RDH11: variants seen among roughly 807,000 people sequenced by gnomAD.
RDH11 encodes retinol dehydrogenase 11, also known as HCV core-binding protein HCBP12.
A neutral mutation model predicts 33.4 loss-of-function variants in RDH11; 19 were observed. The ratio of observed to expected loss-of-function variants is 0.57; its 90% confidence interval spans 0.40 to 0.83. The LOEUF (loss-of-function observed/expected upper bound fraction) is 0.83, where lower values mean the gene tolerates loss of function less well. Ranked by LOEUF, RDH11 falls within the 40% of genes least tolerant of loss-of-function variation. RDH11 has a pLI of 0.00. For synonymous variants in RDH11, 154 were observed against 155.3 expected (o/e 0.99, Z 0.06); for missense variants, 353 against 389.0 (o/e 0.91, Z 0.78).
In RDH11 at chr14:67,690,382, T is replaced by C; in HGVS notation, c.494A>G (p.Lys165Arg). The change falls in exon 5 of 7, where the codon AAG (lysine) becomes AGG (arginine). Residue 165 changes from lysine to arginine, a missense_variant. Physicochemically the swap from Lys to Arg is conservative, Grantham distance 26. Coordinates refer to ENST00000381346, the MANE Select transcript of RDH11 (RefSeq NM_016026.4). Reference sequence around the variant, plus strand: ...TACTATCCTTGATGGGGCTGATTCCTTTAGTTTCTCTAGCAGCAGATGGGT... The same window carrying C: ...TACTATCCTTGATGGGGCTGATTCCCTTAGTTTCTCTAGCAGCAGATGGGT... ...LLTHLLLEKL[K>R]ESAPSRIVNV... 1.2e-6 allele frequency: 2 copies of C among 1,614,226 alleles called. No homozygotes were observed. Among genetic ancestry groups the C allele is most frequent in the Non-Finnish European group, 1.7e-6 (2 of 1,180,032 alleles).
At chr14:67,694,451 T>TAC (rs372188891) in intron 1 of RDH11, among the ~76,000 whole-genome samples, 312 of 143,828 alleles carry the variant, frequency 2.2e-3, no homozygotes, top group South Asian at 0.016. Context: ...TATATATATA[T>TAC]ACACACACAC....
rs2037772245 is a variant in RDH11 at position 67,693,033 on chromosome 14, C to A, written c.94G>T (p.Val32Leu). 1.2e-6 allele frequency: 2 copies of A among 1,612,808 alleles called. No homozygotes were observed. The highest frequency in any genetic ancestry group is 1.3e-5 in the African/African-American group (1 of 74,978). Residue 32 changes from valine to leucine, a missense_variant, in exon 2 of 7, where the codon GTG becomes TTG. Physicochemically the swap from Val to Leu is conservative, Grantham distance 32. Transcript: ENST00000381346. ...GGAAGCTGAACAGTTGATGTACACA[C>A]CCCACTGGACAGCATTTTCCTGCAG... ...PQIRKMLSSG[V>L]CTSTVQLPGK...
chr14:67,692,398 C>T, intron 3 of RDH11, 40 bp downstream of exon 3: 7 of 1,608,220 alleles, frequency 4.4e-6, no homozygotes, highest in Non-Finnish European at 5.9e-6. Flanking sequence ...CCATGTTGAC[C>T]TCAAGACCCA....
At chr14:67,694,134 T>C (rs1566831386) in intron 1 of RDH11, among the ~76,000 whole-genome samples, 1 of 152,094 alleles carries the variant, frequency 6.6e-6, no homozygotes, top group African/African-American at 2.4e-5. Context: ...TCATTGAACT[T>C]GGAATTGCAA....
At chr14:67,694,666 G>C (rs193150661) in intron 1 of RDH11, among the ~76,000 whole-genome samples, 1 of 152,172 alleles carries the variant, frequency 6.6e-6, no homozygotes. Flanking sequence ...GAGAAACCAT[G>C]TGTGCCTAGA....
chr14:67,683,366 T>C (rs1207989906), intron 6 of RDH11, among the ~76,000 whole-genome samples: 1 of 152,208 alleles, frequency 6.6e-6, no homozygotes, highest in Non-Finnish European at 1.5e-5. Flanking sequence ...TAAATCTATC[T>C]TCTTATACTT....
At chr14:67,694,399 T>C (rs1165816942) in intron 1 of RDH11, among the ~76,000 whole-genome samples, 1 of 150,968 alleles carries the variant, frequency 6.6e-6, no homozygotes, top group Non-Finnish European at 1.5e-5. Flanking sequence ...CCGACTCCCA[T>C]AACCCTGCTG....
intron 5 of RDH11, chr14:67,686,066 T>A (rs2037674743): frequency 6.6e-6 from 1 of 152,196 alleles, no homozygotes; most frequent in Admixed American, 6.5e-5. Flanking sequence ...TCCCTCTCCA[T>A]AATTCTATGG....
intron 6 of RDH11, among the ~76,000 whole-genome samples, chr14:67,682,179 A>G (rs2140058587): frequency 6.6e-6 from 1 of 152,334 alleles, no homozygotes; most frequent in East Asian, 1.9e-4. Context: ...TGTCTTTACT[A>G]AAGACAGTAG....
At chr14:67,683,901 C>T (rs1279951102) in intron 6 of RDH11, among the ~76,000 whole-genome samples, 2 of 152,236 alleles carry the variant, frequency 1.3e-5, no homozygotes, top group African/African-American at 4.8e-5. Context: ...CTAAGTTCCA[C>T]ACATTACTTT....
At chr14:67,685,718 C>T (rs967830590) in intron 5 of RDH11, among the ~76,000 whole-genome samples, 1 of 151,904 alleles carries the variant, frequency 6.6e-6, no homozygotes, top group Non-Finnish European at 1.5e-5. Context: ...CAGGTTCAAG[C>T]GATTCTCCTG....
chr14:67,690,907 T>C, intron 4 of RDH11: 1 of 527,130 alleles, frequency 1.9e-6, no homozygotes, highest in Non-Finnish European at 3.4e-6. Context: ...AATTAGTCTG[T>C]TAAAAAATGC....
chr14:67,690,912 A>G, intron 4 of RDH11: 1 of 536,488 alleles, frequency 1.9e-6, no homozygotes, highest in Non-Finnish European at 3.3e-6. Flanking sequence ...GTCTGTTAAA[A>G]AATGCGCCAA....
chr14:67,685,220 A>G lies in RDH11; in HGVS notation c.665-16T>C, dbSNP rs762131460. ...ACGCCAGAGCCTGGTTGGGGGTGGC[A>G]TGAAGAGAGGGTAAGACAGGACTTG... On this transcript the variant is annotated splice_polypyrimidine_tract_variant and intron_variant, in intron 5 of 6. Transcript: ENST00000381346. The G allele has an allele frequency of 1.2e-6, 2 of 1,605,818 alleles. No homozygotes were observed. Among genetic ancestry groups the G allele is most frequent in the East Asian group, 4.5e-5 (2 of 44,702 alleles).
intron 5 of RDH11, among the ~76,000 whole-genome samples, chr14:67,686,425 G>A (rs1418905966): frequency 6.6e-6 from 1 of 152,116 alleles, no homozygotes; most frequent in Non-Finnish European, 1.5e-5. Flanking sequence ...GACTGCCTGA[G>A]CTCAGGAGTT....
At chr14:67,684,839 T>G (rs1288099786) in intron 6 of RDH11, 176 bp downstream of exon 6, 4 of 480,866 alleles carry the variant, frequency 8.3e-6, no homozygotes, top group African/African-American at 2.0e-5. Context: ...TAAAATCAAA[T>G]GTAGCAGTTA....
chr14:67,678,334 A>G lies in RDH11; in HGVS notation c.944T>C (p.Leu315Pro). 1.2e-6 allele frequency: 2 copies of G among 1,611,780 alleles called. No homozygotes were observed. Among genetic ancestry groups the G allele is most frequent in the Non-Finnish European group, 1.7e-6 (2 of 1,177,882 alleles). ...LWDVSCDLLG[L>P]PID is the part of the protein sequence containing the mutation. ...TGGCACTGCCTGTTAGTCTATTGGG[A>G]GGCCCAGCAGGTCACAACTGACGTC... The change falls in exon 7 of 7, where the codon CTC (leucine) becomes CCC (proline). Residue 315 changes from leucine (L) to proline (P), a missense_variant. Coordinates refer to ENST00000381346, the MANE Select transcript of RDH11 (RefSeq NM_016026.4).
Position 67,690,281 on chromosome 14 carries a change from C to G in RDH11, c.595G>C (p.Gly199Arg), listed in dbSNP as rs760393655. The G allele has an allele frequency of 6.2e-7, 1 of 1,614,176 alleles. No individual in the cohort carries two copies. The highest frequency in any genetic ancestry group is 1.1e-5 in the South Asian group (1 of 91,076). The change falls in exon 5 of 7, where the codon GGC becomes CGC. Residue 199 changes from glycine (G) to arginine (R), a missense_variant. Coordinates refer to ENST00000381346, the MANE Select transcript of RDH11 (RefSeq NM_016026.4). ...NLQGEKFYNAGLAYCHSKLAN... is the reference protein window; with the variant it reads ...NLQGEKFYNARLAYCHSKLAN... ...AGCTTGCTGTGACAGTAGGCCAGGC[C>G]TGCATTGTAGAATTTCTCGCCCTGC... is the stretch of plus-strand genomic sequence containing the variant.
rs900123788 is a variant in RDH11 at position 67,688,600 on chromosome 14, T to C, written c.664+1612A>G. 4.5e-4 allele frequency among the ~76,000 whole-genome samples: 66 copies of C among 146,398 alleles called. 2 individuals are homozygous for C. Among genetic ancestry groups the C allele is most frequent in the African/African-American group, 1.6e-3 (63 of 40,368 alleles). On this transcript the variant is annotated intron_variant, in intron 5 of 6. Transcript: ENST00000381346. ...CATACTTCCATATGCTTTGAACTCT[T>C]TTTTTTTTTTTTTTGGTAGAGGAGA...
Sources: allele counts gnomAD v4.1 joint callset (sites outside exome capture counted in the v4.1 genomes callset), GRCh38; gene constraint gnomAD v4.1.1; transcripts MANE v1.5; gene names NCBI Gene and HGNC (gene_info 2026-07-23, HGNC 2026-07-21).